The following MAML3 variants were observed in gnomAD, a reference collection of about 807,000 sequenced individuals.
MAML3 encodes the protein mastermind-like protein 3.
In MAML3, 27 loss-of-function variants were observed where a neutral mutation model predicts 101.9. The ratio of observed to expected loss-of-function variants is 0.27; its 90% CI spans 0.20 to 0.37. The LOEUF (loss-of-function observed/expected upper bound fraction) is 0.37. Ranked by LOEUF, MAML3 falls within the 10% of genes least tolerant of loss-of-function variation. MAML3 has a pLI of 1.00. For synonymous variants in MAML3, 501 were observed against 555.9 expected (o/e 0.90, Z 1.39); for missense variants, 1,316 against 1,444.9 (o/e 0.91, Z 1.45).
At chr4:139,867,759 T>C (rs570557491) in intron 2 of MAML3, among the ~76,000 whole-genome samples, 1 of 152,338 alleles carries the variant, frequency 6.6e-6, no homozygotes, top group South Asian at 2.1e-4. Flanking sequence ...ATGAGAAAAC[T>C]GAAGTTAAGA....
In MAML3 at chr4:139,879,908, C is replaced by T. The variant is rs540303068; in HGVS notation, c.2079+9449G>A. On this transcript the variant is annotated intron_variant, in intron 2 of 4. Transcript: ENST00000509479. ...CTCTTTCGGGCTGGGTGTGGTGGCT[C>T]ACGCCTGTAATCCCAGCACTTTGGG... is the stretch of plus-strand genomic sequence containing the variant. Among the ~76,000 whole-genome samples the T allele has an allele frequency of 5.9e-5, 9 of 152,142 alleles. 1 individual carries two copies. The highest frequency in any genetic ancestry group is 1.2e-4 in the Non-Finnish European group (8 of 68,024).
intron 1 of MAML3, among the ~76,000 whole-genome samples, chr4:140,135,128 T>C (rs1455842928): frequency 2.6e-5 from 4 of 152,108 alleles, no homozygotes; most frequent in African/African-American, 9.7e-5. Context: ...TGGAGGAAAG[T>C]GGAGTTAATT....
intron 1 of MAML3, among the ~76,000 whole-genome samples, chr4:139,979,441 A>C (rs1020466989): frequency 6.6e-6 from 1 of 152,182 alleles, no homozygotes; most frequent in Non-Finnish European, 1.5e-5. Flanking sequence ...AGCTCCTTCT[A>C]TACTGTCCAC....
intron 1 of MAML3, among the ~76,000 whole-genome samples, chr4:139,968,357 G>A (rs1734177230): frequency 6.6e-6 from 1 of 151,300 alleles, no homozygotes; most frequent in Admixed American, 6.6e-5. Flanking sequence ...TCTGTGAAGT[G>A]TAGACCAGAG....
chr4:139,722,779 C>A (rs905585703), intron 4 of MAML3, among the ~76,000 whole-genome samples: 16 of 152,160 alleles, frequency 1.1e-4, no homozygotes, highest in Admixed American at 9.2e-4. Flanking sequence ...GCAAGTTATA[C>A]CTAACAAAAC....
chr4:139,730,631 G>A lies in MAML3; in HGVS notation c.2116C>T (p.Pro706Ser). 1 of 1,613,300 alleles carries A rather than the reference G, an allele frequency of 6.2e-7. No homozygotes were observed. Among genetic ancestry groups the A allele is most frequent in the Non-Finnish European group, 8.5e-7 (1 of 1,179,682 alleles). Reference sequence around the variant, plus strand: ...CCTGGGGGCACGGAGGACTGCATGGGGCCTGTGGTTCGGGGAAGTCCAACT... The same window carrying A: ...CCTGGGGGCACGGAGGACTGCATGGAGCCTGTGGTTCGGGGAAGTCCAACT... ...HPVGLPRTTGPMQSSVPPGSG... is the reference protein window; with the variant it reads ...HPVGLPRTTGSMQSSVPPGSG... The change falls in exon 3 of 5, where the codon CCC becomes TCC. Residue 706 changes from proline (P) to serine (S), a missense_variant. Transcript: ENST00000509479.
At chr4:140,072,804 C>A (rs1313750688) in intron 1 of MAML3, among the ~76,000 whole-genome samples, 2 of 152,162 alleles carry the variant, frequency 1.3e-5, no homozygotes, top group Admixed American at 6.5e-5. Flanking sequence ...CCCCCATGGA[C>A]ACCAAGGGAC....
At chr4:139,853,178 T>C (rs111827321) in intron 2 of MAML3, among the ~76,000 whole-genome samples, 8 of 152,338 alleles carry the variant, frequency 5.3e-5, no homozygotes, top group African/African-American at 1.9e-4. Context: ...GCTTCCCTTA[T>C]ACATACAGAC....
At chr4:139,842,459 G>A (rs1003987988) in intron 2 of MAML3, among the ~76,000 whole-genome samples, 1 of 152,148 alleles carries the variant, frequency 6.6e-6, no homozygotes, top group Non-Finnish European at 1.5e-5. Flanking sequence ...GCATTCATGA[G>A]CATCTACTCA....
chr4:139,815,617 TGCA>T (rs924452680), intron 2 of MAML3, among the ~76,000 whole-genome samples: 1 of 152,214 alleles, frequency 6.6e-6, no homozygotes, highest in Non-Finnish European at 1.5e-5. Context: ...ATGATCAGTA[TGCA>T]GAGGCCTAGG....
At chr4:140,117,348 T>C (rs1054878648) in intron 1 of MAML3, among the ~76,000 whole-genome samples, 50 of 152,266 alleles carry the variant, frequency 3.3e-4, no homozygotes, top group East Asian at 1.9e-3. Context: ...TTTTACTTGG[T>C]GCTGCTGACC....
chr4:139,761,709 G>A (rs2111054165), intron 2 of MAML3, among the ~76,000 whole-genome samples: 1 of 152,018 alleles, frequency 6.6e-6, no homozygotes, highest in East Asian at 1.9e-4. Flanking sequence ...TGAGAAACAG[G>A]CCCCTCAACA....
intron 1 of MAML3, 52 bp downstream of exon 1, chr4:140,152,808 A>ACCCCCCCCCCCCC: frequency 6.8e-7 from 1 of 1,466,232 alleles, no homozygotes; most frequent in Non-Finnish European, 9.1e-7. Flanking sequence ...GCCCCCCACC[A>ACCCCCCCCCCCCC]CCACCACCAC....
At position 139,844,994 on chromosome 4, in the gene MAML3, GTCTCTCTCTCTGTCTC is replaced by G. The variant is rs552881445; in HGVS notation, c.2079+44347_2079+44362del. On this transcript the variant is annotated intron_variant, in intron 2 of 4. Transcript: ENST00000509479. ...TATTTCTCTTTCTCTCTCTCTGTCT[GTCTCTCTCTCTGTCTC>G]TCTCTCTCTCTCTCCCTCTGCCCCA... Among the ~76,000 whole-genome samples the G allele has an allele frequency of 5.3e-3, 799 of 151,630 alleles. 11 individuals carry two copies. Among genetic ancestry groups the G allele is most frequent in the African/African-American group, 0.018 (750 of 41,264 alleles).
chr4:139,854,761 G>T (rs1731625249), intron 2 of MAML3, among the ~76,000 whole-genome samples: 1 of 152,124 alleles, frequency 6.6e-6, no homozygotes, highest in Admixed American at 6.5e-5. Flanking sequence ...CAGGAGGAAG[G>T]CCTGCTCTTT....
intron 1 of MAML3, among the ~76,000 whole-genome samples, chr4:140,152,323 C>T (rs1301873730): frequency 6.6e-6 from 1 of 152,216 alleles, no homozygotes; most frequent in South Asian, 2.1e-4. Flanking sequence ...GCGAGAGGCT[C>T]TCCTTCCCCG....
At chr4:140,073,233 G>A (rs1727695462) in intron 1 of MAML3, among the ~76,000 whole-genome samples, 1 of 151,958 alleles carries the variant, frequency 6.6e-6, no homozygotes, top group Non-Finnish European at 1.5e-5. Flanking sequence ...CACCTCCTGG[G>A]TTCAAGCAAT....
intron 1 of MAML3, among the ~76,000 whole-genome samples, chr4:139,928,862 G>A (rs567531382): frequency 6.6e-6 from 1 of 152,314 alleles, no homozygotes; most frequent in African/African-American, 2.4e-5. Context: ...GGGGGATTTG[G>A]CGGACAGAGA....
At chr4:139,950,938 C>T (rs1181314186) in intron 1 of MAML3, among the ~76,000 whole-genome samples, 1 of 152,200 alleles carries the variant, frequency 6.6e-6, no homozygotes, top group Non-Finnish European at 1.5e-5. Context: ...CCTTTTCTTT[C>T]CTCCCAAGAT....
Sources: allele counts gnomAD v4.1 joint callset (sites outside exome capture counted in the v4.1 genomes callset), GRCh38; gene constraint gnomAD v4.1.1; transcripts MANE v1.5; gene names NCBI Gene and HGNC (gene_info 2026-07-23, HGNC 2026-07-21).